Variants in SIK3 observed in about 807,000 individuals in gnomAD.
The protein encoded by SIK3 is SIK family kinase 3.
A neutral mutation model predicts 144.2 loss-of-function variants in SIK3; 28 were observed. That is an observed-to-expected ratio of 0.19 (90% confidence interval 0.14 to 0.27). The LOEUF (loss-of-function observed/expected upper bound fraction) is 0.27. Among genes scored for constraint, SIK3 ranks in the 10% least tolerant of loss-of-function variants. SIK3 has a pLI of 1.00. For synonymous variants in SIK3, 686 were observed against 676.3 expected (o/e 1.01, Z -0.22); for missense variants, 1,319 against 1,776.0 (o/e 0.74, Z 4.62).
At chr11:116,976,112 C>CT (rs1301936618) in intron 1 of SIK3, among the ~76,000 whole-genome samples, 2 of 152,140 alleles carry the variant, frequency 1.3e-5, no homozygotes, top group Admixed American at 6.5e-5. Flanking sequence ...ATACAAGTCC[C>CT]TTATCAGATG....
chr11:116,883,741 C>G (rs1944667192), intron 6 of SIK3, among the ~76,000 whole-genome samples: 1 of 152,154 alleles, frequency 6.6e-6, no homozygotes, highest in African/African-American at 2.4e-5. Flanking sequence ...CAAGACCAGC[C>G]TGGCCAACAT....
At chr11:116,855,900 T>C (rs1419260156) in intron 21 of SIK3, among the ~76,000 whole-genome samples, 1 of 152,210 alleles carries the variant, frequency 6.6e-6, no homozygotes, top group Admixed American at 6.5e-5. Flanking sequence ...ATTTGGTGCC[T>C]GGCACATGTG....
intron 1 of SIK3, among the ~76,000 whole-genome samples, chr11:117,072,367 A>G (rs957705762): frequency 1.3e-5 from 2 of 152,148 alleles, no homozygotes; most frequent in African/African-American, 4.8e-5. Context: ...CAGCCTGCAC[A>G]AGAGCAAAAC....
chr11:116,853,000 G>A (rs540030990), intron 21 of SIK3, among the ~76,000 whole-genome samples: 5 of 152,120 alleles, frequency 3.3e-5, no homozygotes, highest in Admixed American at 6.5e-5. Flanking sequence ...GCAAGGAGGC[G>A]TAAAGGAAAA....
At chr11:117,096,316 T>A (rs1163691952) in intron 1 of SIK3, among the ~76,000 whole-genome samples, 1 of 152,114 alleles carries the variant, frequency 6.6e-6, no homozygotes, top group Admixed American at 6.5e-5. Context: ...ACCAATTAAG[T>A]TCATGGAGAC....
At chr11:117,087,296 AGCCAGG>A (rs1343465532) in intron 1 of SIK3, among the ~76,000 whole-genome samples, 1 of 152,050 alleles carries the variant, frequency 6.6e-6, no homozygotes, top group Non-Finnish European at 1.5e-5. Context: ...TACAAAAATT[AGCCAGG>A]CGTGGCTATG....
At chr11:116,891,404 C>A (rs1945100117) in intron 6 of SIK3, among the ~76,000 whole-genome samples, 1 of 152,180 alleles carries the variant, frequency 6.6e-6, no homozygotes, top group Admixed American at 6.5e-5. Flanking sequence ...TCACTTGAAC[C>A]CAGGAGTTCG....
chr11:117,023,617 A>ATATAT (rs1194910685), intron 1 of SIK3, among the ~76,000 whole-genome samples: 12 of 109,156 alleles, frequency 1.1e-4, no homozygotes, highest in Middle Eastern at 4.3e-3. Flanking sequence ...AACAAAAAAA[A>ATATAT]AAAAATATAT....
At position 117,013,697 on chromosome 11, in the gene SIK3, T is replaced by TA. The variant is rs527997338; in HGVS notation, c.274-56634dup. On this transcript the variant is annotated intron_variant, in intron 1 of 24. Transcript: ENST00000445177. Reference sequence around the variant, plus strand: ...GGCTAAAAATGTATACTTTTAGCTTTAAAAAAAAAATGCTTCCAGTGCTAT... The same window carrying TA: ...GGCTAAAAATGTATACTTTTAGCTTTAAAAAAAAAAATGCTTCCAGTGCTAT... Among the ~76,000 whole-genome samples the TA allele has an allele frequency of 4.3e-4, 64 of 148,272 alleles. 1 individual carries two copies. The South Asian group carries it at 6.8e-3, about 16-fold the overall frequency.
chr11:117,012,684 C>T (rs1951312103), intron 1 of SIK3, among the ~76,000 whole-genome samples: 1 of 152,162 alleles, frequency 6.6e-6, no homozygotes, highest in South Asian at 2.1e-4. Context: ...CCTTCTTTGA[C>T]TACCTCAGTC....
At chr11:117,081,704 G>A (rs546172816) in intron 1 of SIK3, among the ~76,000 whole-genome samples, 5 of 152,164 alleles carry the variant, frequency 3.3e-5, no homozygotes, top group African/African-American at 4.8e-5. Context: ...ATGAACATGG[G>A]AGAAAGTACA....
At chr11:116,920,855 G>T (rs1049884950) in intron 4 of SIK3, among the ~76,000 whole-genome samples, 16 of 152,186 alleles carry the variant, frequency 1.1e-4, no homozygotes, top group African/African-American at 3.9e-4. Flanking sequence ...CAATCTTGTG[G>T]AATCTTACAA....
At chr11:116,923,329 C>T (rs1947104063) in intron 4 of SIK3, among the ~76,000 whole-genome samples, 1 of 152,170 alleles carries the variant, frequency 6.6e-6, no homozygotes, top group African/African-American at 2.4e-5. Flanking sequence ...AAAGGGAGGC[C>T]ATTGAAAAGA....
intron 1 of SIK3, among the ~76,000 whole-genome samples, chr11:117,031,366 CTTT>C (rs778165535): frequency 7.2e-6 from 1 of 139,594 alleles, no homozygotes. Flanking sequence ...TCCTTTTTTC[CTTT>C]TTTTTTTTTT....
intron 4 of SIK3, among the ~76,000 whole-genome samples, chr11:116,902,530 G>A (rs528419777): frequency 6.6e-6 from 1 of 152,182 alleles, no homozygotes; most frequent in Non-Finnish European, 1.5e-5. Flanking sequence ...CAACTAGAGA[G>A]AGCCACATCT....
chr11:116,868,981 C>T (rs1276390457), intron 14 of SIK3: 1 of 151,972 alleles, frequency 6.6e-6, no homozygotes, highest in Non-Finnish European at 1.5e-5. Context: ...GGCATTATAC[C>T]CTTGAAATGT....
chr11:116,864,064 G>A (rs1185403682), intron 15 of SIK3: 2 of 365,116 alleles, frequency 5.5e-6, no homozygotes, highest in Non-Finnish European at 9.9e-6. Context: ...GCCTGGTGAG[G>A]TCCCGAGATC....
intron 1 of SIK3, 53 bp downstream of exon 1, chr11:117,098,090 A>G: frequency 7.6e-7 from 1 of 1,310,604 alleles, no homozygotes; most frequent in Non-Finnish European, 9.8e-7. Flanking sequence ...GGGGGCGCGG[A>G]CCTCTCCCGG....
intron 1 of SIK3, among the ~76,000 whole-genome samples, chr11:116,971,377 C>T (rs898022812): frequency 3.3e-5 from 5 of 152,112 alleles, no homozygotes; most frequent in South Asian, 2.1e-4. Flanking sequence ...CCAAATTTGA[C>T]GATGTTTCCA....
Sources: gnomAD v4.1 joint callset for allele counts (sites outside exome capture counted in the v4.1 genomes callset) on GRCh38, gnomAD v4.1.1 for gene constraint, MANE v1.5 for transcripts, NCBI Gene and HGNC (gene_info 2026-07-23, HGNC 2026-07-21) for gene names.